Variants in STXBP3 observed in about 807,000 individuals in gnomAD.
STXBP3 encodes the protein syntaxin-binding protein 3.
STXBP3 carries 41 observed loss-of-function variants against 85.7 expected under a neutral mutation model. That is an observed-to-expected ratio of 0.48 (90% CI 0.37 to 0.62). The LOEUF (loss-of-function observed/expected upper bound fraction) is 0.62. Among genes scored for constraint, STXBP3 ranks in the 20% least tolerant of loss-of-function variants. The pLI, the probability that STXBP3 is intolerant of heterozygous loss-of-function variation, is 0.00. For missense variants in STXBP3, 563 were observed against 703.1 expected (o/e 0.80, Z 2.25); for synonymous variants, 229 against 231.7 (o/e 0.99, Z 0.10).
intron 1 of STXBP3, among the ~76,000 whole-genome samples, 191 bp from the exon 2 acceptor site, chr1:108,752,066 A>C (rs1661916840): frequency 6.6e-6 from 1 of 152,210 alleles, no homozygotes; most frequent in African/African-American, 2.4e-5. Context: ...TAAAAAATTG[A>C]TTACAGTTTA....
At chr1:108,771,904 CAT>C (rs1428407484) in intron 6 of STXBP3, among the ~76,000 whole-genome samples, 5 of 64,848 alleles carry the variant, frequency 7.7e-5, no homozygotes, top group African/African-American at 2.9e-4. Context: ...ATCTATATAT[CAT>C]ATATAAATAC....
Position 108,808,649 on chromosome 1 carries a change from G to C in STXBP3, c.1685-134G>C, listed in dbSNP as rs750505071. Reference sequence around the variant, plus strand: ...TTGCAGCATAGGCAGATTTCAGGAAGATGTCTTACAGAAATTTTGTTACAT... The same window carrying C: ...TTGCAGCATAGGCAGATTTCAGGAACATGTCTTACAGAAATTTTGTTACAT... On this transcript the variant is annotated intron_variant, in intron 18 of 18. Coordinates refer to ENST00000370008, the MANE Select transcript of STXBP3 (RefSeq NM_007269.4). The C allele has an allele frequency of 4.2e-6, 3 of 720,076 alleles. 1 individual carries two copies. Among genetic ancestry groups the C allele is most frequent in the Non-Finnish European group, 7.3e-6 (3 of 409,024 alleles). The allele number at this position is 720,076 out of a possible 1,614,324, so 44.6% of individuals were successfully genotyped here.
intron 9 of STXBP3, 94 bp from the exon 10 acceptor site, chr1:108,782,328 G>A (rs772269816): frequency 1.1e-6 from 1 of 950,462 alleles, no homozygotes; most frequent in Non-Finnish European, 1.6e-6. Context: ...TCAGTTTCTT[G>A]AGTTGTGTCT....
chr1:108,805,719 A>T (rs1663316260), intron 17 of STXBP3, among the ~76,000 whole-genome samples: 1 of 152,194 alleles, frequency 6.6e-6, no homozygotes, highest in African/African-American at 2.4e-5. Flanking sequence ...CACCACGCCC[A>T]GCCAAGAACA....
intron 18 of STXBP3, 86 bp from the exon 19 acceptor site, chr1:108,808,697 C>T (rs1210211136): frequency 2.8e-6 from 3 of 1,054,326 alleles, no homozygotes; most frequent in East Asian, 2.4e-5. Flanking sequence ...CTGCACTTTA[C>T]ATATTTGAAG....
At chr1:108,805,480 A>G (rs546900230) in intron 17 of STXBP3, among the ~76,000 whole-genome samples, 22 of 136,880 alleles carry the variant, frequency 1.6e-4, no homozygotes, top group African/African-American at 6.2e-4. Flanking sequence ...GCTAGAGTCC[A>G]GTGGTGTGAT....
chr1:108,754,896 T>C (rs561819750), intron 3 of STXBP3, among the ~76,000 whole-genome samples: 16 of 152,302 alleles, frequency 1.1e-4, no homozygotes, highest in Non-Finnish European at 2.2e-4. Flanking sequence ...CACCTAAGTT[T>C]GCTATGGTTT....
At position 108,796,279 on chromosome 1, in the gene STXBP3, T is replaced by A. The variant is rs772306065; in HGVS notation, c.1156T>A (p.Ser386Thr). The A allele has an allele frequency of 6.2e-7, 1 of 1,613,832 alleles. No homozygotes were observed. The highest frequency in any genetic ancestry group is 2.2e-5 in the East Asian group (1 of 44,868). The change falls in exon 14 of 19, where the codon TCC (serine) becomes ACC (threonine). Residue 386 changes from serine to threonine, a missense_variant. By Grantham distance (58) the Ser-to-Thr change is moderately conservative. Around this residue, in one of 3 missense-constraint regions of STXBP3, gnomAD observed 494 missense variants for 592.8 expected, o/e 0.83. Coordinates refer to ENST00000370008, the MANE Select transcript of STXBP3 (RefSeq NM_007269.4). ...TGCAGAAGGACAGAAGGTGAAAGAT[T>A]CCATGCGAGTACTCCTTCCAGTTCT... ...TDAEGQKVKD[S>T]MRVLLPVLLN...
intron 11 of STXBP3, among the ~76,000 whole-genome samples, chr1:108,791,429 A>G (rs1662971971): frequency 6.6e-6 from 1 of 151,848 alleles, no homozygotes. Flanking sequence ...ATCTCCTCAC[A>G]TCTTCCTTTT....
chr1:108,766,836 T>C, intron 6 of STXBP3: 2 of 366,072 alleles, frequency 5.5e-6, no homozygotes, highest in African/African-American at 4.4e-5. Context: ...CCCTTTTAGT[T>C]GCTTTAAGAG....
intron 17 of STXBP3, among the ~76,000 whole-genome samples, chr1:108,806,946 C>A (rs183425865): frequency 4.7e-4 from 71 of 152,218 alleles, no homozygotes; most frequent in African/African-American, 1.6e-3. Context: ...ATGGTTAAGT[C>A]ATTTCCTTAA....
intron 6 of STXBP3, among the ~76,000 whole-genome samples, chr1:108,765,306 T>G (rs1424001531): frequency 1.3e-5 from 2 of 152,256 alleles, no homozygotes; most frequent in Non-Finnish European, 2.9e-5. Flanking sequence ...GGTGCAACCA[T>G]TGTCAGTAGA....
At chr1:108,778,148 A>C (rs887902536) in intron 8 of STXBP3, among the ~76,000 whole-genome samples, 1 of 152,170 alleles carries the variant, frequency 6.6e-6, no homozygotes, top group East Asian at 1.9e-4. Flanking sequence ...AATTTAATTA[A>C]ATTAATGTGC....
intron 11 of STXBP3, among the ~76,000 whole-genome samples, chr1:108,790,833 C>A (rs1383902408): frequency 1.3e-5 from 2 of 151,936 alleles, no homozygotes; most frequent in African/African-American, 4.8e-5. Flanking sequence ...TTAACTTTAT[C>A]CCCTTTCTCT....
At chr1:108,779,099 TTTTC>T (rs1306492044) in intron 8 of STXBP3, among the ~76,000 whole-genome samples, 183 bp from the exon 9 acceptor site, 2 of 152,194 alleles carry the variant, frequency 1.3e-5, no homozygotes, top group African/African-American at 4.8e-5. Flanking sequence ...CTACTCAGAT[TTTTC>T]TTTGTTTTAT....
rs933543895 is a variant in STXBP3, at chr1:108,772,810, G to T, written c.584G>T (p.Arg195Ile). The change falls in exon 7 of 19, where the codon AGA (arginine) becomes ATA (isoleucine). Residue 195 changes from arginine to isoleucine, a missense_variant. By Grantham distance (97) the Arg-to-Ile change is moderately conservative. This residue lies in a region of STXBP3 where 494 missense variants were observed against 592.8 expected (regional missense o/e 0.83). Transcript: ENST00000370008. ...ACCTTGGATGAAAATCCCGGAGTAA[G>T]ATATAAAAGGTAAGACACTGAGCAT... Reference protein sequence around the residue: ...CATLDENPGVRYKSKPLDNAS... With the variant: ...CATLDENPGVIYKSKPLDNAS... 2.5e-6 allele frequency: 4 copies of T among 1,593,620 alleles called. No homozygotes were observed. The highest frequency in any genetic ancestry group is 2.7e-5 in the African/African-American group (2 of 73,906).
At chr1:108,772,862 C>T in intron 7 of STXBP3, 43 bp downstream of exon 7, 3 of 1,457,628 alleles carry the variant, frequency 2.1e-6, no homozygotes, top group Non-Finnish European at 2.7e-6. Context: ...TCCTATTTAC[C>T]ATTCATTATA....
At chr1:108,801,173 T>C (rs1052675433) in intron 17 of STXBP3, among the ~76,000 whole-genome samples, 2 of 152,190 alleles carry the variant, frequency 1.3e-5, no homozygotes, top group Admixed American at 1.3e-4. Context: ...TTCCCTGTTG[T>C]TAACTTGTTA....
chr1:108,758,642 A>G (rs191656592), intron 5 of STXBP3, 54 bp downstream of exon 5: 10 of 1,074,990 alleles, frequency 9.3e-6, no homozygotes, highest in East Asian at 5.3e-5. Context: ...TTGGTTTTAA[A>G]CTGTCGACTT....
Sources: allele counts gnomAD v4.1 joint callset (sites outside exome capture counted in the v4.1 genomes callset), GRCh38; gene constraint gnomAD v4.1.1; regional missense constraint gnomAD v4.1.1; transcripts MANE v1.5; gene names NCBI Gene and HGNC (gene_info 2026-07-23, HGNC 2026-07-21).